The following CASD1 variants were observed in gnomAD, a reference collection of about 807,000 sequenced individuals.
CASD1 encodes the protein CAS1 domain sialic acid O acetyltransferase 1.
Under a neutral mutation model 100.0 loss-of-function variants are expected in CASD1, and 41 were observed. That is an observed-to-expected ratio of 0.41 (90% CI 0.32 to 0.53). CASD1 has a LOEUF of 0.53. CASD1 is among the 20% of genes least tolerant of loss of function. The pLI is 0.25. For missense variants in CASD1, 774 were observed against 948.7 expected (o/e 0.82, Z 2.42); for synonymous variants, 321 against 315.6 (o/e 1.02, Z -0.18).
rs747173241 is a variant in CASD1 at position 94,555,618 on chromosome 7, A to T, written c.2254A>T (p.Ile752Phe). 6.2e-7 allele frequency: 1 copy of T among 1,613,450 alleles called. No homozygotes were observed. The highest frequency in any genetic ancestry group is 2.2e-5 in the East Asian group (1 of 44,852). ...TFIFVCVAHE[I>F]SQITNDLAQI... ...CATATTTGTTTGTGTGGCACATGAA[A>T]TTTCTCAGATCACTAATGATCTTGC... The change falls in exon 18 of 18, where the codon ATT (isoleucine) becomes TTT (phenylalanine). Residue 752 changes from isoleucine (I) to phenylalanine (F), a missense_variant. Ile to Phe is a conservative substitution (Grantham distance 21). Around this residue, in one of 5 missense-constraint regions of CASD1, gnomAD observed 175 missense variants for 206.9 expected, o/e 0.85. Transcript: ENST00000297273.
chr7:94,579,622 A>T, the CASD1 span, among the ~76,000 whole-genome samples: 5 of 152,140 alleles, frequency 3.3e-5, no homozygotes, highest in Admixed American at 2.6e-4. Context: ...ATCCAACTTC[A>T]TGTACCTTAT....
chr7:94,518,445 A>C, intron 3 of CASD1, 122 bp downstream of exon 3: 1 of 765,088 alleles, frequency 1.3e-6, no homozygotes, highest in Non-Finnish European at 2.0e-6. Context: ...GATTTTCAGA[A>C]AGGTTGGGGA....
the CASD1 span, chr7:94,587,314 GGTAA>G: frequency 1.0e-5 from 10 of 995,880 alleles, no homozygotes; most frequent in Non-Finnish European, 1.1e-5. Flanking sequence ...TCCCCTAGTG[GGTAA>G]GTAAGTAAAA....
At chr7:94,564,565 A>T in the CASD1 span, among the ~76,000 whole-genome samples, 1 of 152,194 alleles carries the variant, frequency 6.6e-6, no homozygotes. Flanking sequence ...TATAAATTCC[A>T]ATTATACATT....
intron 8 of CASD1, 48 bp downstream of exon 8, chr7:94,535,571 T>A (rs1795079330): frequency 1.5e-6 from 2 of 1,328,708 alleles, no homozygotes; most frequent in African/African-American, 2.9e-5. Context: ...TAATATCAAT[T>A]GCTTTAAGCC....
chr7:94,596,869 C>T, the CASD1 span, among the ~76,000 whole-genome samples: 7 of 151,878 alleles, frequency 4.6e-5, no homozygotes, highest in East Asian at 1.9e-4. Flanking sequence ...TTCACTGGCA[C>T]GCTAGGGTAA....
chr7:94,568,301 A>G, the CASD1 span, among the ~76,000 whole-genome samples: 2 of 152,190 alleles, frequency 1.3e-5, no homozygotes, highest in Non-Finnish European at 2.9e-5. Context: ...TGTTTAATAA[A>G]TAATACTGGC....
At chr7:94,613,906 G>C in the CASD1 span, among the ~76,000 whole-genome samples, 533 of 151,936 alleles carry the variant, frequency 3.5e-3, 3 homozygotes, top group African/African-American at 0.012. Context: ...GTACATACCT[G>C]CAATTAATCA....
chr7:94,633,054 C>G, the CASD1 span, among the ~76,000 whole-genome samples: 2 of 152,034 alleles, frequency 1.3e-5, no homozygotes, highest in African/African-American at 4.8e-5. Context: ...CTAATAATCT[C>G]TGAAATATAC....
chr7:94,628,087 A>C, the CASD1 span: 4 of 759,962 alleles, frequency 5.3e-6, no homozygotes, highest in Non-Finnish European at 6.7e-6. Context: ...AAAATATTAA[A>C]AACCACCATC....
the CASD1 span, chr7:94,598,007 TA>T: frequency 0.017 from 2,650 of 152,716 alleles, 9 homozygotes; most frequent in South Asian, 0.035. Flanking sequence ...AACTCCATCT[TA>T]AAAAAAAAAA....
the CASD1 span, among the ~76,000 whole-genome samples, chr7:94,633,176 C>G: frequency 1.3e-5 from 2 of 151,822 alleles, no homozygotes; most frequent in African/African-American, 4.8e-5. Flanking sequence ...TGCAAACATA[C>G]GCCACTAGAT....
intron 4 of CASD1, among the ~76,000 whole-genome samples, 177 bp downstream of exon 4, chr7:94,527,383 G>T (rs1794628904): frequency 6.6e-6 from 1 of 152,170 alleles, no homozygotes; most frequent in South Asian, 2.1e-4. Flanking sequence ...TATTTGGAAA[G>T]AATAATCTTG....
At chr7:94,589,138 C>T in the CASD1 span, 1 of 215,564 alleles carries the variant, frequency 4.6e-6, no homozygotes, top group East Asian at 1.0e-4. Context: ...CACACATTTT[C>T]ATGGAACAAC....
At chr7:94,526,735 A>G (rs558231643) in intron 3 of CASD1, among the ~76,000 whole-genome samples, 63 of 152,316 alleles carry the variant, frequency 4.1e-4, no homozygotes, top group Non-Finnish European at 6.5e-4. Context: ...GGAGGTTGCA[A>G]TGAACCGAGA....
intron 11 of CASD1, 125 bp downstream of exon 11, chr7:94,544,655 A>G: frequency 1.1e-6 from 1 of 935,334 alleles, no homozygotes; most frequent in South Asian, 2.0e-5. Context: ...ATGAAATAGC[A>G]CTGTGAAGTT....
intron 16 of CASD1, chr7:94,553,815 T>TAAAAAAAA (rs1554416070): frequency 6.6e-6 from 1 of 150,820 alleles, no homozygotes; most frequent in African/African-American, 2.4e-5. Flanking sequence ...AATAAATAAA[T>TAAAAAAAA]AAAAAGAAAA....
intron 8 of CASD1, among the ~76,000 whole-genome samples, chr7:94,537,018 TTTATC>T (rs1795156067): frequency 6.6e-6 from 1 of 152,158 alleles, no homozygotes; most frequent in African/African-American, 2.4e-5. Flanking sequence ...AACAGTAGAC[TTTATC>T]TTAAGTGGCC....
chr7:94,570,913 A>G, the CASD1 span, among the ~76,000 whole-genome samples: 1 of 152,136 alleles, frequency 6.6e-6, no homozygotes, highest in Non-Finnish European at 1.5e-5. Flanking sequence ...TTATTTCTTT[A>G]TATGGCTTTG....
Sources: allele counts gnomAD v4.1 joint callset (sites outside exome capture counted in the v4.1 genomes callset), GRCh38; gene constraint gnomAD v4.1.1; regional missense constraint gnomAD v4.1.1; transcripts MANE v1.5; gene names NCBI Gene and HGNC (gene_info 2026-07-23, HGNC 2026-07-21).